Variants in MAGI2 observed in about 807,000 individuals in gnomAD.
MAGI2 encodes membrane-associated guanylate kinase, WW and PDZ domain-containing protein 2.
In MAGI2, 35 loss-of-function variants were observed where a neutral mutation model predicts 133.3. The observed-to-expected ratio is 0.26, with a 90% CI of 0.20 to 0.35. MAGI2 has a LOEUF of 0.35. Among genes scored for constraint, MAGI2 ranks in the 10% least tolerant of loss-of-function variants. The pLI is 1.00. For missense variants in MAGI2, 1,636 were observed against 1,863.4 expected (o/e 0.88, Z 2.25); for synonymous variants, 729 against 710.6 (o/e 1.03, Z -0.41).
intron 20 of MAGI2, among the ~76,000 whole-genome samples, chr7:78,090,032 C>T (rs565692759): frequency 3.9e-5 from 6 of 152,306 alleles, no homozygotes; most frequent in East Asian, 3.9e-4. Flanking sequence ...CTTCCTTCCT[C>T]GGCATTTTTG....
intron 1 of MAGI2, among the ~76,000 whole-genome samples, chr7:79,381,992 A>G (rs2158707): frequency 0.15 from 22,599 of 151,618 alleles, 1,872 homozygotes; most frequent in East Asian, 0.29. Context: ...GTGTTCCACC[A>G]TGACAACATT....
intron 1 of MAGI2, among the ~76,000 whole-genome samples, chr7:79,214,249 A>G (rs954593593): frequency 1.3e-5 from 2 of 150,430 alleles, no homozygotes; most frequent in Non-Finnish European, 3.0e-5. Context: ...ACTTCCTTTT[A>G]TTACATGACA....
At chr7:78,497,879 T>A (rs2150514741) in intron 5 of MAGI2, among the ~76,000 whole-genome samples, 1 of 152,204 alleles carries the variant, frequency 6.6e-6, no homozygotes, top group East Asian at 1.9e-4. Context: ...AATTAAAGGG[T>A]GGGACCTGCC....
intron 2 of MAGI2, among the ~76,000 whole-genome samples, chr7:78,909,479 T>G (rs1422674448): frequency 6.7e-6 from 1 of 148,754 alleles, no homozygotes. Context: ...GGCAGGCGCC[T>G]GTACTTCCAG....
At chr7:78,948,193 T>C (rs1260102757) in intron 2 of MAGI2, among the ~76,000 whole-genome samples, 2 of 152,258 alleles carry the variant, frequency 1.3e-5, no homozygotes, top group Non-Finnish European at 2.9e-5. Context: ...ATATATGTTA[T>C]TGACATATTT....
chr7:78,275,530 C>A (rs1442167705), intron 9 of MAGI2, among the ~76,000 whole-genome samples: 2 of 152,020 alleles, frequency 1.3e-5, no homozygotes, highest in African/African-American at 4.8e-5. Context: ...GGCTAGTCAG[C>A]CTGCCCAAGT....
intron 1 of MAGI2, among the ~76,000 whole-genome samples, chr7:79,115,851 A>G (rs1222058863): frequency 8.4e-6 from 1 of 118,404 alleles, no homozygotes. Flanking sequence ...TAAATGTTTT[A>G]AAGTTTTTTT....
chr7:79,067,369 G>T (rs926739510), intron 1 of MAGI2, among the ~76,000 whole-genome samples: 1 of 152,138 alleles, frequency 6.6e-6, no homozygotes, highest in Non-Finnish European at 1.5e-5. Flanking sequence ...TGTAGCAATT[G>T]TGAATGGGAG....
At chr7:79,207,351 A>G (rs1351116605) in intron 1 of MAGI2, among the ~76,000 whole-genome samples, 1 of 151,992 alleles carries the variant, frequency 6.6e-6, no homozygotes, top group South Asian at 2.1e-4. Flanking sequence ...AATTAGAAAA[A>G]ATGAATGAAT....
rs571736229 is a variant in MAGI2 at position 79,332,848 on chromosome 7, T to C, written c.301+120172A>G. On this transcript the variant is annotated intron_variant, in intron 1 of 21. Coordinates refer to ENST00000354212, the MANE Select transcript of MAGI2 (RefSeq NM_012301.4). ...AATCTATTATTTTTGGTTAAACTCA[T>C]TCATCATCCCTTTAGAGTTCTAACT... 3.3e-5 allele frequency among the ~76,000 whole-genome samples: 5 copies of C among 152,324 alleles called. No homozygotes were observed. In the East Asian group the frequency reaches 9.6e-4, roughly 29 times the overall value.
At chr7:79,229,546 A>G (rs1415314980) in intron 1 of MAGI2, among the ~76,000 whole-genome samples, 1 of 152,186 alleles carries the variant, frequency 6.6e-6, no homozygotes, top group Non-Finnish European at 1.5e-5. Context: ...AATAGTATGC[A>G]TCAAGGAAAA....
chr7:78,580,430 A>G (rs1563198996), intron 3 of MAGI2, among the ~76,000 whole-genome samples: 1 of 152,210 alleles, frequency 6.6e-6, no homozygotes, highest in African/African-American at 2.4e-5. Context: ...ACAACTCACA[A>G]ATGTTATCTG....
At chr7:78,233,551 A>C (rs149311541) in intron 10 of MAGI2, among the ~76,000 whole-genome samples, 1 of 152,110 alleles carries the variant, frequency 6.6e-6, no homozygotes. Flanking sequence ...TGGTGGGGTA[A>C]ATGTAGGCCC....
At chr7:79,142,828 G>A (rs1467628142) in intron 1 of MAGI2, among the ~76,000 whole-genome samples, 4 of 152,012 alleles carry the variant, frequency 2.6e-5, no homozygotes, top group African/African-American at 4.8e-5. Flanking sequence ...CCCAGTCATG[G>A]TCCCTGTTCC....
At chr7:78,977,605 C>A (rs1804407143) in intron 2 of MAGI2, among the ~76,000 whole-genome samples, 1 of 151,388 alleles carries the variant, frequency 6.6e-6, no homozygotes, top group Non-Finnish European at 1.5e-5. Flanking sequence ...TATTGAAAAA[C>A]AGGAGGAAAT....
chr7:78,462,902 T>C (rs1170561633), intron 6 of MAGI2, among the ~76,000 whole-genome samples: 1 of 152,178 alleles, frequency 6.6e-6, no homozygotes, highest in Non-Finnish European at 1.5e-5. Flanking sequence ...CATGAAGATA[T>C]TCTGCTCTCA....
chr7:78,158,513 A>C (rs535847410), intron 16 of MAGI2, among the ~76,000 whole-genome samples: 1 of 152,274 alleles, frequency 6.6e-6, no homozygotes, highest in East Asian at 1.9e-4. Context: ...TCCTCCCTCT[A>C]CTGCTACCCA....
intron 10 of MAGI2, among the ~76,000 whole-genome samples, chr7:78,207,996 A>G (rs568682292): frequency 2.0e-5 from 3 of 152,006 alleles, no homozygotes; most frequent in South Asian, 2.1e-4. Context: ...CAGCCTCCCA[A>G]GTAGCTGGGA....
intron 1 of MAGI2, among the ~76,000 whole-genome samples, chr7:79,097,198 C>T (rs2129542938): frequency 6.6e-6 from 1 of 152,054 alleles, no homozygotes; most frequent in East Asian, 1.9e-4. Flanking sequence ...TACAGTTATC[C>T]CTATTATACA....
Sources: allele counts gnomAD v4.1 joint callset (sites outside exome capture counted in the v4.1 genomes callset), GRCh38; gene constraint gnomAD v4.1.1; transcripts MANE v1.5; gene names NCBI Gene and HGNC (gene_info 2026-07-23, HGNC 2026-07-21).